The following TNS1 variants were observed in gnomAD, a reference collection of about 807,000 sequenced individuals.
TNS1 encodes tensin-1.
A neutral mutation model predicts 168.6 loss-of-function variants in TNS1; 62 were observed. That is an observed-to-expected ratio of 0.37 (90% CI 0.30 to 0.45). TNS1 has a LOEUF of 0.45. Among genes scored for constraint, TNS1 ranks in the 20% least tolerant of loss-of-function variants. The pLI is 1.00. For missense variants in TNS1, 2,240 were observed against 2,339.4 expected, an observed-to-expected ratio of 0.96 and a Z score of 0.88; for synonymous variants, 934 against 933.2, an observed-to-expected ratio of 1.00 and a Z score of -0.02.
In TNS1 at chr2:218,030,170, G is replaced by A. The variant is rs552544365; in HGVS notation, c.156+3650C>T. Among the ~76,000 whole-genome samples, 5 of 152,148 alleles carry A rather than the reference G, an allele frequency of 3.3e-5. No individual in the cohort carries two copies. In the South Asian group the frequency reaches 1.0e-3, roughly 32 times the overall value. ...CATATACACACAGCATGTGTGCTAG[G>A]GCTCCCGGGGAGCCAGGAGCAGCCA... On this transcript the variant is annotated intron_variant, in intron 1 of 1. Transcript: ENST00000649572.
At chr2:217,983,596 G>A (rs757739337) in intron 2 of TNS1, among the ~76,000 whole-genome samples, 19 of 152,324 alleles carry the variant, frequency 1.2e-4, no homozygotes, top group Non-Finnish European at 2.2e-4. Context: ...CCTGCCTCTC[G>A]GGAACACAGG....
In TNS1 at chr2:217,848,547, C is replaced by T. The variant is rs1001970315; in HGVS notation, c.1970G>A (p.Gly657Asp). ...LDGVTNTSEG[G>D]YPEALSPLTN... ...CAGTGGGGACAGGGCCTCTGGGTAG[C>T]CCCCCTCACTGGTGTTGGTGACCCC... The change falls in exon 19 of 33, where the codon GGC becomes GAC. Residue 657 changes from glycine to aspartate, a missense_variant. Transcript: ENST00000682258. The T allele has an allele frequency of 1.2e-6, 2 of 1,613,966 alleles. No individual in the cohort carries two copies. The highest frequency in any genetic ancestry group is 1.7e-6 in the Non-Finnish European group (2 of 1,179,910).
chr2:217,848,745 C>T lies in TNS1; in HGVS notation c.1772G>A (p.Arg591His), dbSNP rs368810573. ...AMYHTQHLRS[R>H]PAGGSAVPSS... is the part of the protein sequence containing the mutation. ...GGGCACAGCCGAGCCCCCTGCTGGGCGGGACCTGAGGTGCTGGGTGTGGTA... is the reference window on the plus strand; with the variant it reads ...GGGCACAGCCGAGCCCCCTGCTGGGTGGGACCTGAGGTGCTGGGTGTGGTA... The change falls in exon 19 of 33, where the codon CGC becomes CAC. Residue 591 changes from arginine (R) to histidine (H), a missense_variant. Physicochemically the swap from Arg to His is conservative, Grantham distance 29. This residue lies in a region of TNS1 where 2,131 missense variants were observed against 2,171.2 expected (regional missense o/e 0.98). Coordinates refer to ENST00000682258, the MANE Select transcript of TNS1 (RefSeq NM_001387777.1). 23 of 1,614,216 alleles carry T rather than the reference C, an allele frequency of 1.4e-5. No individual in the cohort carries two copies. Among genetic ancestry groups the T allele is most frequent in the African/African-American group, 1.1e-4 (8 of 75,066 alleles).
upstream of TNS1, among the ~76,000 whole-genome samples, chr2:218,011,752 C>T (rs1212176555): frequency 6.6e-6 from 1 of 152,108 alleles, no homozygotes; most frequent in African/African-American, 2.4e-5. Flanking sequence ...CACCTCGAGA[C>T]AAGGCAGTGG....
chr2:217,988,975 C>T (rs1446138478), intron 2 of TNS1, among the ~76,000 whole-genome samples: 4 of 152,146 alleles, frequency 2.6e-5, no homozygotes, highest in African/African-American at 9.7e-5. Context: ...GGCCCAGCCT[C>T]CCAGCCTGCT....
rs1328442380 is a variant in TNS1, at chr2:217,990,880, G to GCCCAGC, written c.148+56_148+61dup. Reference sequence around the variant, plus strand: ...ACAGCAGAGTCCCAGCCTGGCCCAGGCCCAGCCATCTCATTCCCCTGATGG... The same window carrying GCCCAGC: ...ACAGCAGAGTCCCAGCCTGGCCCAGGCCCAGCCCCAGCCATCTCATTCCCCTGATGG... On this transcript the variant is annotated intron_variant, in intron 2 of 32. Transcript: ENST00000682258. 157 of 508,898 alleles carry GCCCAGC rather than the reference G, an allele frequency of 3.1e-4. 1 individual carries two copies. Among genetic ancestry groups the GCCCAGC allele is most frequent in the Middle Eastern group, 4.6e-4 (1 of 2,160 alleles). 31.5% of individuals were successfully genotyped at this position (508,898 alleles called of 1,614,324 possible).
chr2:217,964,221 A>T (rs1343088624), intron 3 of TNS1, among the ~76,000 whole-genome samples: 1 of 152,248 alleles, frequency 6.6e-6, no homozygotes, highest in East Asian at 1.9e-4. Flanking sequence ...GCTAGCATTT[A>T]TCTATTGCTC....
chr2:217,874,009 C>T (rs577876427), intron 18 of TNS1, among the ~76,000 whole-genome samples: 2 of 139,878 alleles, frequency 1.4e-5, no homozygotes, highest in East Asian at 4.6e-4. Flanking sequence ...CACCACCACC[C>T]CCGCCCCCCA....
chr2:217,906,289 G>GC, intron 6 of TNS1, 46 bp downstream of exon 6: 1 of 677,928 alleles, frequency 1.5e-6, no homozygotes, highest in East Asian at 2.8e-5. Context: ...ATTCCCCCTG[G>GC]CCACCAGGGC....
intron 3 of TNS1, among the ~76,000 whole-genome samples, chr2:217,946,959 T>TCACACACACACA (rs1203032369): frequency 1.3e-3 from 166 of 128,690 alleles, no homozygotes; most frequent in African/African-American, 3.6e-3. Flanking sequence ...TCTCTCTCTC[T>TCACACACACACA]CTCTCTCTCT....
In TNS1 at chr2:217,821,981, A is replaced by G. The variant is rs577401882; in HGVS notation, c.3374-43T>C. ...ACAGAGACACTGAGCACAGATGCAC[A>G]GGGGTGCAGTGCAGGTCCCCCCCAA... On this transcript the variant is annotated intron_variant, in intron 22 of 32. Transcript: ENST00000682258. 1.0e-5 allele frequency: 16 copies of G among 1,535,672 alleles called. No individual in the cohort carries two copies. The African/African-American group carries it at 2.2e-4, about 21-fold the overall frequency.
chr2:217,822,295 C>T (rs1301327156), intron 22 of TNS1, among the ~76,000 whole-genome samples: 1 of 152,196 alleles, frequency 6.6e-6, no homozygotes, highest in African/African-American at 2.4e-5. Context: ...TCCAGGTTCT[C>T]CTCGTGCCAC....
intron 3 of TNS1, among the ~76,000 whole-genome samples, chr2:217,930,853 C>G (rs1017696256): frequency 6.6e-6 from 1 of 152,172 alleles, no homozygotes; most frequent in Non-Finnish European, 1.5e-5. Context: ...CCCACCCCTT[C>G]TCCCTGACCT....
At chr2:217,879,206 G>T in intron 18 of TNS1, 3 of 284,332 alleles carry the variant, frequency 1.1e-5, no homozygotes, top group South Asian at 2.6e-5. Context: ...CCTTTTATTT[G>T]CCTGGCACTT....
chr2:217,864,923 G>A (rs1419746743), intron 18 of TNS1, among the ~76,000 whole-genome samples: 1 of 152,228 alleles, frequency 6.6e-6, no homozygotes, highest in South Asian at 2.1e-4. Context: ...GGGGTACGCA[G>A]TGGGGCAGAG....
upstream of TNS1, among the ~76,000 whole-genome samples, chr2:218,003,848 T>TC (rs1454362843): frequency 6.7e-6 from 1 of 149,800 alleles, no homozygotes; most frequent in East Asian, 2.0e-4. Flanking sequence ...GCCTATTTCT[T>TC]CCCCTCAGTG....
intron 18 of TNS1, chr2:217,858,689 C>CACACACACACACACAT (rs1948459983): frequency 4.8e-6 from 1 of 210,488 alleles, no homozygotes; most frequent in Admixed American, 6.5e-5. Flanking sequence ...CACACACACA[C>CACACACACACACACAT]ACACACACAC....
At position 217,799,940 on chromosome 2, in the gene TNS1, C is replaced by T. The variant is rs1266761470; in HGVS notation, c.*4519G>A. ...CAGGATTTATACACGGTGGCAGCGG[C>T]TATAGGCACGATGATACAAAATATA... is the stretch of plus-strand genomic sequence containing the variant. On this transcript the variant is annotated 3_prime_UTR_variant, in exon 33 of 33. Coordinates refer to ENST00000682258, the MANE Select transcript of TNS1 (RefSeq NM_001387777.1). 6 of 152,188 alleles carry T rather than the reference C, an allele frequency of 3.9e-5. No homozygotes were observed. Among genetic ancestry groups the T allele is most frequent in the African/African-American group, 1.4e-4 (6 of 41,444 alleles). 9.4% of individuals were successfully genotyped at this position (152,188 alleles called of 1,614,324 possible).
At chr2:217,871,802 G>C (rs2125596377) in intron 18 of TNS1, among the ~76,000 whole-genome samples, 1 of 152,390 alleles carries the variant, frequency 6.6e-6, no homozygotes, top group East Asian at 1.9e-4. Context: ...GGGCTGGCTG[G>C]AAGGCAGAAC....
Sources: gnomAD v4.1 joint callset for allele counts (sites outside exome capture counted in the v4.1 genomes callset) on GRCh38, gnomAD v4.1.1 for gene constraint, gnomAD v4.1.1 regional missense constraint, MANE v1.5 for transcripts, NCBI Gene and HGNC (gene_info 2026-07-23, HGNC 2026-07-21) for gene names.